LAMA3: variants seen among roughly 807,000 people sequenced by gnomAD.
LAMA3 encodes the protein laminin subunit alpha 3.
In LAMA3, 281 loss-of-function variants were observed where a neutral mutation model predicts 402.0. That is an observed-to-expected ratio of 0.70 (90% CI 0.63 to 0.77). The LOEUF (loss-of-function observed/expected upper bound fraction) is 0.77, where lower values mean the gene tolerates loss of function less well. Among genes scored for constraint, LAMA3 ranks in the 30% least tolerant of loss-of-function variants. The pLI, the probability that LAMA3 is intolerant of heterozygous loss-of-function variation, is 0.00. For synonymous variants in LAMA3, 1,431 were observed against 1,558.4 expected, an observed-to-expected ratio of 0.92 and a Z score of 1.93; for missense variants, 3,840 against 4,215.5, an observed-to-expected ratio of 0.91 and a Z score of 2.47.
At chr18:23,828,580 ATGTG>A (rs898505805) in intron 23 of LAMA3, among the ~76,000 whole-genome samples, 2 of 152,000 alleles carry the variant, frequency 1.3e-5, no homozygotes, top group Non-Finnish European at 1.5e-5. Context: ...AGGTATATGT[ATGTG>A]TGTGTGTATT....
chr18:23,761,310 A>C (rs1321838187), intron 7 of LAMA3, among the ~76,000 whole-genome samples: 3 of 152,216 alleles, frequency 2.0e-5, no homozygotes, highest in African/African-American at 4.8e-5. Context: ...AAAGTCAAAC[A>C]AATATATTGT....
At chr18:23,750,792 C>A (rs1257335140) in intron 4 of LAMA3, 126 bp from the exon 5 acceptor site, 1 of 936,160 alleles carries the variant, frequency 1.1e-6, no homozygotes, top group Non-Finnish European at 1.7e-6. Flanking sequence ...CCCAAGACCC[C>A]CTACGAATAT....
chr18:23,721,241 G>A (rs193244308), intron 2 of LAMA3, among the ~76,000 whole-genome samples: 2 of 152,160 alleles, frequency 1.3e-5, no homozygotes, highest in Admixed American at 6.5e-5. Context: ...TCTGGAGAAC[G>A]CTGATTAATA....
At chr18:23,868,020 C>A in intron 37 of LAMA3, 103 bp downstream of exon 37, 1 of 913,130 alleles carries the variant, frequency 1.1e-6, no homozygotes, top group Non-Finnish European at 1.8e-6. Flanking sequence ...AATATGGATT[C>A]TATTTATATA....
At position 23,939,271 on chromosome 18, in the gene LAMA3, C is replaced by T. The variant is rs2145461231; in HGVS notation, c.8911C>T (p.Gln2971Ter). ...CTCCCCAAGGAGCGTGAAGGTGTGG[C>T]AAGATGCTTGCTCACCACTTCCCAA... is the stretch of plus-strand genomic sequence containing the variant. The part of the protein sequence containing the change: ...VASPRSVKVW[Q>*]DACSPLPKTQ... The change falls in exon 68 of 75, where the codon CAA (glutamine) becomes TAA (stop). Residue 2971 changes from glutamine (Q) to a stop codon, truncating the protein, a stop_gained. Coordinates refer to ENST00000313654, the MANE Select transcript of LAMA3 (RefSeq NM_198129.4). LOFTEE classifies it high-confidence loss of function. 6.2e-7 allele frequency: 1 copy of T among 1,614,156 alleles called. No individual in the cohort carries two copies. Among genetic ancestry groups the T allele is most frequent in the Non-Finnish European group, 8.5e-7 (1 of 1,179,984 alleles).
rs189229647 is a variant in LAMA3, at chr18:23,793,807, G to C, written c.1603+9650G>C. Among the ~76,000 whole-genome samples, 363 of 152,252 alleles carry C rather than the reference G, an allele frequency of 2.4e-3. 3 individuals are homozygous for C. Among genetic ancestry groups the C allele is most frequent in the Non-Finnish European group, 3.9e-3 (262 of 68,020 alleles). On this transcript the variant is annotated intron_variant, in intron 12 of 74. Coordinates refer to ENST00000313654, the MANE Select transcript of LAMA3 (RefSeq NM_198129.4). ...GACAGTGCCAGATCCCACAGGTTGA[G>C]GGCTCAGTCCCCAAGACTGCTCCCT...
At position 23,861,734 on chromosome 18, in the gene LAMA3, C is replaced by T. The variant is rs373710114; in HGVS notation, c.4511C>T (p.Ala1504Val). The T allele has an allele frequency of 4.6e-5, 75 of 1,613,858 alleles. No homozygotes were observed. In the African/African-American group the frequency reaches 5.6e-4, roughly 12 times the overall value. ...SFNPGSNSMV[A>V]DLQELPATIH... ...AACCCAGGCAGCAACAGTATGGTGG[C>T]GGATCTCCAGGAGCTGCCCGCAACC... Residue 1504 changes from alanine (A) to valine (V), a missense_variant, in exon 35 of 75, where the codon GCG becomes GTG. Ala to Val is a moderately conservative substitution (Grantham distance 64). This residue lies in a region of LAMA3 where 2,109 missense variants were observed against 2,376.0 expected (regional missense o/e 0.89). Transcript: ENST00000313654.
At chr18:23,864,652 A>G (rs2064307800) in intron 35 of LAMA3, 133 bp from the exon 36 acceptor site, 3 of 701,172 alleles carry the variant, frequency 4.3e-6, no homozygotes, top group Admixed American at 2.0e-5. Context: ...CCCACCTCCT[A>G]GATACAACCC....
At chr18:23,871,082 C>T (rs1310440484) in intron 37 of LAMA3, among the ~76,000 whole-genome samples, 1 of 152,230 alleles carries the variant, frequency 6.6e-6, no homozygotes, top group African/African-American at 2.4e-5. Flanking sequence ...ACCTGAGCTG[C>T]ATGACTCAGT....
intron 60 of LAMA3, among the ~76,000 whole-genome samples, chr18:23,917,738 A>G (rs2081687218): frequency 6.6e-6 from 1 of 152,062 alleles, no homozygotes; most frequent in South Asian, 2.1e-4. Flanking sequence ...TTAAGTTCTG[A>G]TAGATTCTGG....
At chr18:23,715,890 A>C (rs1441036239) in intron 2 of LAMA3, among the ~76,000 whole-genome samples, 1 of 152,218 alleles carries the variant, frequency 6.6e-6, no homozygotes, top group Non-Finnish European at 1.5e-5. Context: ...GATTTCTTAG[A>C]ATGAATGTGT....
In LAMA3 at chr18:23,689,580, T is replaced by G; in HGVS notation, c.-104T>G. ...CCCCGGCGCCGCCCATATCCCCGGC[T>G]GCGCTAGTCCTGGCGCTGCAGGTCC... On this transcript the variant is annotated 5_prime_UTR_variant, in exon 1 of 75. Transcript: ENST00000313654. 1 of 1,108,044 alleles carries G rather than the reference T, an allele frequency of 9.0e-7. No homozygotes were observed. Among genetic ancestry groups the G allele is most frequent in the Non-Finnish European group, 1.1e-6 (1 of 879,362 alleles). 68.6% of individuals were successfully genotyped at this position (1,108,044 alleles called of 1,614,324 possible). A position where few individuals can be genotyped will look rare whatever the true frequency, so the allele number is the denominator to read the frequency against.
intron 2 of LAMA3, among the ~76,000 whole-genome samples, chr18:23,741,740 C>T (rs2061566793): frequency 6.6e-6 from 1 of 152,112 alleles, no homozygotes; most frequent in African/African-American, 2.4e-5. Flanking sequence ...ATATGATGGA[C>T]ATCTTTTGAA....
At chr18:23,690,580 C>G (rs1055394912) in intron 1 of LAMA3, among the ~76,000 whole-genome samples, 1 of 152,158 alleles carries the variant, frequency 6.6e-6, no homozygotes, top group African/African-American at 2.4e-5. Flanking sequence ...CCGCGAACAC[C>G]CGGGGCAAAC....
At chr18:23,945,288 G>A (rs1487999584) in intron 69 of LAMA3, among the ~76,000 whole-genome samples, 1 of 152,240 alleles carries the variant, frequency 6.6e-6, no homozygotes, top group African/African-American at 2.4e-5. Context: ...GAGGTCGGGA[G>A]AAGTGACCGC....
intron 65 of LAMA3, chr18:23,931,673 A>C: frequency 4.6e-6 from 1 of 215,080 alleles, no homozygotes; most frequent in Non-Finnish European, 9.3e-6. Flanking sequence ...TGAGTCACAC[A>C]TAAAAGTTCA....
intron 12 of LAMA3, among the ~76,000 whole-genome samples, chr18:23,806,051 G>C (rs957781099): frequency 6.6e-6 from 1 of 152,198 alleles, no homozygotes; most frequent in Non-Finnish European, 1.5e-5. Context: ...CTTCCCAGCT[G>C]TTTCACTTCC....
At position 23,882,121 on chromosome 18, in the gene LAMA3, C is replaced by T. The variant is rs371591381; in HGVS notation, c.5222+76C>T. 7.6e-5 allele frequency: 68 copies of T among 894,748 alleles called. No homozygotes were observed. The East Asian group carries it at 1.6e-3, about 21-fold the overall frequency. 55.4% of individuals were successfully genotyped at this position (894,748 alleles called of 1,614,324 possible). A position where few individuals can be genotyped will look rare whatever the true frequency, so the allele number is the denominator to read the frequency against. On this transcript the variant is annotated intron_variant, in intron 40 of 74. Coordinates refer to ENST00000313654, the MANE Select transcript of LAMA3 (RefSeq NM_198129.4). Reference sequence around the variant, plus strand: ...CTGCCTAGGACTAGGGGTGGGAGAGCAGGTGGGGAGAATGGGAAGTGATTA... The same window carrying T: ...CTGCCTAGGACTAGGGGTGGGAGAGTAGGTGGGGAGAATGGGAAGTGATTA...
chr18:23,773,715 C>A, intron 9 of LAMA3, 128 bp downstream of exon 9: 2 of 701,954 alleles, frequency 2.8e-6, no homozygotes, highest in South Asian at 3.1e-5. Flanking sequence ...GTTGTGCTCG[C>A]TATGTGACCT....
Sources: gnomAD v4.1 joint callset for allele counts (sites outside exome capture counted in the v4.1 genomes callset) on GRCh38, gnomAD v4.1.1 for gene constraint, gnomAD v4.1.1 regional missense constraint, MANE v1.5 for transcripts, NCBI Gene and HGNC (gene_info 2026-07-23, HGNC 2026-07-21) for gene names.